COL8A1: variants seen among roughly 807,000 people sequenced by gnomAD.
COL8A1 encodes collagen type VIII alpha 1 chain, also known as collagen alpha-1(VIII) chain.
COL8A1 carries 21 observed loss-of-function variants against 42.7 expected under a neutral mutation model. That is an observed-to-expected ratio of 0.49 (90% CI 0.35 to 0.71). The LOEUF (loss-of-function observed/expected upper bound fraction) is 0.71, where lower values mean the gene tolerates loss of function less well. Among genes scored for constraint, COL8A1 ranks in the 30% least tolerant of loss-of-function variants. The probability of loss-of-function intolerance (pLI) is 0.01; values close to 1 mark genes in which losing one functional copy is unlikely to be tolerated. For synonymous variants in COL8A1, 367 were observed against 369.1 expected (o/e 0.99, Z 0.06); for missense variants, 788 against 962.4 (o/e 0.82, Z 2.40).
Position 99,712,305 on chromosome 3 carries a change from G to A in COL8A1, c.-128-32592G>A, listed in dbSNP as rs142613135. 3.2e-3 allele frequency among the ~76,000 whole-genome samples: 493 copies of A among 152,214 alleles called. 2 individuals are homozygous for A. Among genetic ancestry groups the A allele is most frequent in the African/African-American group, 0.011 (461 of 41,544 alleles). ...TAAGAAGATGGCATTTTTGTGAATT[G>A]AGGATAAAGGCATCAGCAACATATG... On this transcript the variant is annotated intron_variant, in intron 1 of 3. Coordinates refer to ENST00000652472, the MANE Select transcript of COL8A1 (RefSeq NM_020351.4).
At chr3:99,684,099 T>C (rs902876743) in intron 1 of COL8A1, among the ~76,000 whole-genome samples, 3 of 152,156 alleles carry the variant, frequency 2.0e-5, no homozygotes, top group Admixed American at 6.5e-5. Flanking sequence ...TGAAATCCCA[T>C]GATGTTCTGG....
chr3:99,704,429 A>T (rs1630555), intron 1 of COL8A1, among the ~76,000 whole-genome samples: 117,733 of 151,878 alleles, frequency 0.78, 45,651 homozygotes, highest in Middle Eastern at 0.83. Context: ...TTTTTTATTA[A>T]ACTTTAAGTT....
chr3:99,758,261 C>G (rs574458493), intron 2 of COL8A1, among the ~76,000 whole-genome samples: 49 of 152,192 alleles, frequency 3.2e-4, no homozygotes, highest in African/African-American at 1.1e-3. Flanking sequence ...AAGGTAAAAA[C>G]CTTTTTTTTC....
At chr3:99,689,262 G>T (rs1939149921) in intron 1 of COL8A1, among the ~76,000 whole-genome samples, 1 of 152,138 alleles carries the variant, frequency 6.6e-6, no homozygotes, top group Non-Finnish European at 1.5e-5. Flanking sequence ...TCGAGTGTAG[G>T]GTTACATATG....
rs565804228 is a variant in COL8A1, at chr3:99,755,580, G to C, written c.-4+10559G>C. On this transcript the variant is annotated intron_variant, in intron 2 of 3. Coordinates refer to ENST00000652472, the MANE Select transcript of COL8A1 (RefSeq NM_020351.4). ...TTGATCATGAAGAAAAATCAAATAAGGGAAAGGGATAGAGAATGATAGGAT... is the reference window on the plus strand; with the variant it reads ...TTGATCATGAAGAAAAATCAAATAACGGAAAGGGATAGAGAATGATAGGAT... Among the ~76,000 whole-genome samples, 3 of 152,248 alleles carry C rather than the reference G, an allele frequency of 2.0e-5. No homozygotes were observed. The East Asian group carries it at 5.8e-4, about 29-fold the overall frequency.
chr3:99,714,935 A>G (rs1378936795), intron 1 of COL8A1, among the ~76,000 whole-genome samples: 1 of 152,148 alleles, frequency 6.6e-6, no homozygotes, highest in African/African-American at 2.4e-5. Context: ...AAAAAATTGA[A>G]AGAATAATAT....
chr3:99,713,182 A>C (rs62283463), intron 1 of COL8A1, among the ~76,000 whole-genome samples: 13,020 of 152,154 alleles, frequency 0.086, 636 homozygotes, highest in Middle Eastern at 0.11. Flanking sequence ...TTTACAGATA[A>C]GGAGGCTGAG....
intron 2 of COL8A1, among the ~76,000 whole-genome samples, chr3:99,772,515 A>C (rs753181189): frequency 1.3e-5 from 2 of 152,218 alleles, no homozygotes; most frequent in African/African-American, 2.4e-5. Context: ...ATTGCGGAGC[A>C]GGATGTTCAT....
intron 1 of COL8A1, among the ~76,000 whole-genome samples, chr3:99,647,402 A>G (rs1937682256): frequency 1.3e-5 from 2 of 152,248 alleles, no homozygotes; most frequent in South Asian, 4.1e-4. Flanking sequence ...CAAAAGAAGC[A>G]GATAACATGC....
At chr3:99,745,765 C>T (rs893774881) in intron 2 of COL8A1, among the ~76,000 whole-genome samples, 1 of 151,820 alleles carries the variant, frequency 6.6e-6, no homozygotes, top group Non-Finnish European at 1.5e-5. Context: ...CCCTTTTATT[C>T]CTTAATTGAT....
rs566449597 is a variant in COL8A1 at position 99,683,604 on chromosome 3, G to GT, written c.-129+44950dup. Among the ~76,000 whole-genome samples, 516 of 148,852 alleles carry GT rather than the reference G, an allele frequency of 3.5e-3. 1 individual carries two copies. The highest frequency in any genetic ancestry group is 8.9e-3 in the African/African-American group (362 of 40,686). ...CTTGAGGGACACGATAAATTTTAGGGTTTTTTTTTTCAAAGGAGTGGGTTG... is the reference window on the plus strand; with the variant it reads ...CTTGAGGGACACGATAAATTTTAGGGTTTTTTTTTTTCAAAGGAGTGGGTTG... On this transcript the variant is annotated intron_variant, in intron 1 of 3. Coordinates refer to ENST00000652472, the MANE Select transcript of COL8A1 (RefSeq NM_020351.4).
intron 1 of COL8A1, among the ~76,000 whole-genome samples, chr3:99,671,995 C>T (rs1304791813): frequency 6.6e-6 from 1 of 152,038 alleles, no homozygotes; most frequent in East Asian, 1.9e-4. Context: ...TTGGAAACTT[C>T]ATTCAATTTT....
At chr3:99,666,755 T>A (rs1450931937) in intron 1 of COL8A1, among the ~76,000 whole-genome samples, 1 of 152,238 alleles carries the variant, frequency 6.6e-6, no homozygotes, top group Non-Finnish European at 1.5e-5. Flanking sequence ...TATCTACTTT[T>A]CTCAAAGAAA....
intron 1 of COL8A1, among the ~76,000 whole-genome samples, chr3:99,692,158 C>G (rs1163756969): frequency 6.6e-6 from 1 of 152,104 alleles, no homozygotes. Flanking sequence ...CCACAACCAC[C>G]ACCACCACCA....
At chr3:99,674,635 A>G (rs1419728143) in intron 1 of COL8A1, among the ~76,000 whole-genome samples, 1 of 152,022 alleles carries the variant, frequency 6.6e-6, no homozygotes, top group Non-Finnish European at 1.5e-5. Context: ...AAAAAATGCT[A>G]GAAATTGTCC....
chr3:99,722,991 C>A (rs191024201), intron 1 of COL8A1, among the ~76,000 whole-genome samples: 26 of 142,346 alleles, frequency 1.8e-4, no homozygotes, highest in Non-Finnish European at 3.2e-4. Context: ...AGAAAAAAAT[C>A]AGAGACCAAA....
At chr3:99,788,540 AT>A (rs1195133733) in intron 2 of COL8A1, among the ~76,000 whole-genome samples, 3 of 152,364 alleles carry the variant, frequency 2.0e-5, no homozygotes, top group African/African-American at 7.2e-5. Flanking sequence ...CAGCTTATAC[AT>A]TACCAGATAT....
At chr3:99,758,777 G>A (rs534258183) in intron 2 of COL8A1, among the ~76,000 whole-genome samples, 2 of 152,118 alleles carry the variant, frequency 1.3e-5, no homozygotes, top group Non-Finnish European at 2.9e-5. Flanking sequence ...CTTGAAGTCA[G>A]GTCTCTCTCT....
chr3:99,777,619 G>GA (rs1322066694), intron 2 of COL8A1, among the ~76,000 whole-genome samples: 1 of 151,942 alleles, frequency 6.6e-6, no homozygotes, highest in Admixed American at 6.6e-5. Context: ...TTTCCAATGG[G>GA]AAAAAAAATT....
Sources: gnomAD v4.1 joint callset for allele counts (sites outside exome capture counted in the v4.1 genomes callset) on GRCh38, gnomAD v4.1.1 for gene constraint, MANE v1.5 for transcripts, NCBI Gene and HGNC (gene_info 2026-07-23, HGNC 2026-07-21) for gene names.